The following C10orf62 variants were observed in gnomAD, a reference collection of about 807,000 sequenced individuals.
The protein encoded by C10orf62 is uncharacterized protein C10orf62.
For synonymous variants in C10orf62, 94 were observed against 109.7 expected (o/e 0.86, Z 0.89); for missense variants, 279 against 281.9 (o/e 0.99, Z 0.07).
Position 97,589,926 on chromosome 10 carries a change from G to T in C10orf62, c.29G>T (p.Arg10Ile), listed in dbSNP as rs149631769. Residue 10 changes from arginine (R) to isoleucine (I), a missense_variant, in exon 1 of 1, where the codon AGA (arginine) becomes ATA (isoleucine). Arg to Ile is a moderately conservative substitution (Grantham distance 97). Coordinates refer to ENST00000370640, the MANE Select transcript of C10orf62 (RefSeq NM_001009997.3). ...CTGTGGGTTCAGAGAAAGAGGAGAA[G>T]AAAGGAAACCTCTGAGTGTCCATCA... MLWVQRKRRRKETSECPSDK... is the reference protein window; with the variant it reads MLWVQRKRRIKETSECPSDK... 7.6e-5 allele frequency: 122 copies of T among 1,613,692 alleles called. 1 individual carries two copies. In the African/African-American group the frequency reaches 1.5e-3, roughly 20 times the overall value.
At position 97,590,785 on chromosome 10, in the gene C10orf62, G is replaced by A; in HGVS notation, c.*216G>A. ...GGGTCTGCCACAGAAGATGGCCCCT[G>A]TTGGAGGGAGAGCTGGGAGGACACA... On this transcript the variant is annotated 3_prime_UTR_variant, in exon 1 of 1. Transcript: ENST00000370640. 1 of 613,074 alleles carries A rather than the reference G, an allele frequency of 1.6e-6. No individual in the cohort carries two copies. The highest frequency in any genetic ancestry group is 3.0e-6 in the Non-Finnish European group (1 of 338,890). 38.0% of individuals were successfully genotyped at this position (613,074 alleles called of 1,614,324 possible).
In C10orf62 at chr10:97,590,484, C is replaced by T; in HGVS notation, c.587C>T (p.Thr196Ile). ...RENTIAGANHTHTFYGHSHHS... is the reference protein window; with the variant it reads ...RENTIAGANHIHTFYGHSHHS... ...AACACCATAGCTGGTGCCAATCACA[C>T]ACACACCTTCTATGGCCACAGTCAC... The change falls in exon 1 of 1, where the codon ACA (threonine) becomes ATA (isoleucine). Residue 196 changes from threonine to isoleucine, a missense_variant. Coordinates refer to ENST00000370640, the MANE Select transcript of C10orf62 (RefSeq NM_001009997.3). 6.2e-7 allele frequency: 1 copy of T among 1,613,462 alleles called. No individual in the cohort carries two copies. The highest frequency in any genetic ancestry group is 8.5e-7 in the Non-Finnish European group (1 of 1,180,016).
chr10:97,590,162 C>G lies in C10orf62; in HGVS notation c.265C>G (p.Leu89Val). Residue 89 changes from leucine (L) to valine (V), a missense_variant, in exon 1 of 1, where the codon CTG (leucine) becomes GTG (valine). Leu to Val is a conservative substitution (Grantham distance 32). Coordinates refer to ENST00000370640, the MANE Select transcript of C10orf62 (RefSeq NM_001009997.3). ...GAGGCACGGAGAAGTGGGCTCCGCT[C>G]TGCACCGGGAATCCTTCACCAGCAG... is the stretch of plus-strand genomic sequence containing the variant. ...TTRHGEVGSA[L>V]HRESFTSRQK... 1 of 1,614,120 alleles carries G rather than the reference C, an allele frequency of 6.2e-7. No individual in the cohort carries two copies. The highest frequency in any genetic ancestry group is 8.5e-7 in the Non-Finnish European group (1 of 1,180,014).
rs1301561302 is a variant in C10orf62 at position 97,589,879 on chromosome 10, G to GCTTC, written c.-17_-16insTCCT. The GCTTC allele has an allele frequency of 1.2e-6, 2 of 1,600,616 alleles. No homozygotes were observed. The highest frequency in any genetic ancestry group is 1.7e-6 in the Non-Finnish European group (2 of 1,170,538). ...AGGTGGTGCTGGGGACTGCCCTCTT[G>GCTTC]CTAGGAGGTGGAGGTCTCATGCTGT... On this transcript the variant is annotated 5_prime_UTR_variant, in exon 1 of 1. An upstream open reading frame in the 5' UTR gains an earlier in-frame stop. Coordinates refer to ENST00000370640, the MANE Select transcript of C10orf62 (RefSeq NM_001009997.3).
chr10:97,590,649 G>T lies in C10orf62; in HGVS notation c.*80G>T, dbSNP rs2041014491. 1 of 1,414,860 alleles carries T rather than the reference G, an allele frequency of 7.1e-7. No individual in the cohort carries two copies. Among genetic ancestry groups the T allele is most frequent in the Admixed American group, 1.8e-5 (1 of 54,964 alleles). The allele number at this position is 1,414,860 out of a possible 1,614,324, so 87.6% of individuals were successfully genotyped here. ...GCAAGGCTGGCTCACACACACGTCT[G>T]TTTTCTCTCCTATGGGGCCATCTAT... On this transcript the variant is annotated 3_prime_UTR_variant, in exon 1 of 1. Transcript: ENST00000370640.
Position 97,589,740 on chromosome 10 carries a change from G to T in C10orf62, c.-158G>T, listed in dbSNP as rs970456531. 2.3e-5 allele frequency: 15 copies of T among 660,446 alleles called. No homozygotes were observed. In the Admixed American group the frequency reaches 3.4e-4, roughly 15 times the overall value. 40.9% of individuals were successfully genotyped at this position (660,446 alleles called of 1,614,324 possible). A position where few individuals can be genotyped will look rare whatever the true frequency, so the allele number is the denominator to read the frequency against. The stretch of plus-strand genomic sequence containing the variant: ...CCTGTCAGACATCCTTGGGGAGCCT[G>T]CCCTTTCAAGCATGAATCATACCAC... On this transcript the variant is annotated 5_prime_UTR_variant, in exon 1 of 1. Transcript: ENST00000370640.
Position 97,590,839 on chromosome 10 carries a change from T to C in C10orf62, c.*270T>C. 3.7e-6 allele frequency: 2 copies of C among 533,344 alleles called. No individual in the cohort carries two copies. The highest frequency in any genetic ancestry group is 6.9e-6 in the Non-Finnish European group (2 of 290,888). 33.0% of individuals were successfully genotyped at this position (533,344 alleles called of 1,614,324 possible). A position where few individuals can be genotyped will look rare whatever the true frequency, so the allele number is the denominator to read the frequency against. On this transcript the variant is annotated 3_prime_UTR_variant, in exon 1 of 1. Transcript: ENST00000370640. ...CAGGTGAGATAGACCCTGAGGCCCCTGAAGACCCACCAAGAGAAGACAGAT... is the reference window on the plus strand; with the variant it reads ...CAGGTGAGATAGACCCTGAGGCCCCCGAAGACCCACCAAGAGAAGACAGAT...
In C10orf62 at chr10:97,589,935, CCT is replaced by C. The variant is rs1188853621; in HGVS notation, c.41_42del (p.Ser14Ter). The C allele has an allele frequency of 8.7e-6, 14 of 1,613,826 alleles. No individual in the cohort carries two copies. The highest frequency in any genetic ancestry group is 1.2e-5 in the Non-Finnish European group (14 of 1,179,878). ...CAGAGAAAGAGGAGAAGAAAGGAAA[CCT>C]CTGAGTGTCCATCAGACAAGGACAA... On this transcript the variant is annotated frameshift_variant, in exon 1 of 1. Coordinates refer to ENST00000370640, the MANE Select transcript of C10orf62 (RefSeq NM_001009997.3). LOFTEE classifies it low-confidence loss of function (END_TRUNC).
Position 97,590,176 on chromosome 10 carries a change from C to T in C10orf62, c.279C>T (p.Ser93=). ...GEVGSALHRE[S]FTSRQKTSGP... ...TGGGCTCCGCTCTGCACCGGGAATC[C>T]TTCACCAGCAGGCAGAAGACATCTG... The change falls in exon 1 of 1, where the codon TCC becomes TCT. Residue 93 remains serine (S), a synonymous_variant. Coordinates refer to ENST00000370640, the MANE Select transcript of C10orf62 (RefSeq NM_001009997.3). 2 of 1,614,064 alleles carry T rather than the reference C, an allele frequency of 1.2e-6. No individual in the cohort carries two copies. Among genetic ancestry groups the T allele is most frequent in the Non-Finnish European group, 8.5e-7 (1 of 1,180,026 alleles).
Position 97,590,727 on chromosome 10 carries a change from CG to C in C10orf62, c.*162del. 1.4e-6 allele frequency: 1 copy of C among 690,572 alleles called. No homozygotes were observed. The highest frequency in any genetic ancestry group is 2.5e-6 in the Non-Finnish European group (1 of 404,974). The allele number at this position is 690,572 out of a possible 1,614,324, so 42.8% of individuals were successfully genotyped here. A position where few individuals can be genotyped will look rare whatever the true frequency, so the allele number is the denominator to read the frequency against. ...AATCCCTACTTTCTTAGGCTCCTCACGGGGATTATGGGCTCTTTAAACTCCA... is the reference window on the plus strand; with the variant it reads ...AATCCCTACTTTCTTAGGCTCCTCACGGGATTATGGGCTCTTTAAACTCCA... On this transcript the variant is annotated 3_prime_UTR_variant, in exon 1 of 1. Transcript: ENST00000370640.
At position 97,590,684 on chromosome 10, in the gene C10orf62, G is replaced by A; in HGVS notation, c.*115G>A. 1 of 1,000,850 alleles carries A rather than the reference G, an allele frequency of 1.0e-6. No individual in the cohort carries two copies. Among genetic ancestry groups the A allele is most frequent in the Non-Finnish European group, 1.5e-6 (1 of 671,028 alleles). The allele number at this position is 1,000,850 out of a possible 1,614,324, so 62.0% of individuals were successfully genotyped here. A position where few individuals can be genotyped will look rare whatever the true frequency, so the allele number is the denominator to read the frequency against. ...CTATGGGGCCATCTATGCAGGCCAG[G>A]GTGAGATGCTGTGCCCAAATCCCTA... On this transcript the variant is annotated 3_prime_UTR_variant, in exon 1 of 1. Transcript: ENST00000370640.
rs770821820 is a variant in C10orf62, at chr10:97,590,159, G to A, written c.262G>A (p.Ala88Thr). 6.8e-6 allele frequency: 11 copies of A among 1,614,056 alleles called. No individual in the cohort carries two copies. In the South Asian group the frequency reaches 7.7e-5, roughly 11 times the overall value. ...CACGAGGCACGGAGAAGTGGGCTCC[G>A]CTCTGCACCGGGAATCCTTCACCAG... is the stretch of plus-strand genomic sequence containing the variant. ...FTTRHGEVGSALHRESFTSRQ... is the reference protein window; with the variant it reads ...FTTRHGEVGSTLHRESFTSRQ... The change falls in exon 1 of 1, where the codon GCT becomes ACT. Residue 88 changes from alanine to threonine, a missense_variant. Transcript: ENST00000370640.
Position 97,589,870 on chromosome 10 carries a change from T to A in C10orf62, c.-28T>A. On this transcript the variant is annotated 5_prime_UTR_variant, in exon 1 of 1. Transcript: ENST00000370640. ...CATCATGCAAGGTGGTGCTGGGGAC[T>A]GCCCTCTTGCTAGGAGGTGGAGGTC... 6.3e-7 allele frequency: 1 copy of A among 1,577,148 alleles called. No individual in the cohort carries two copies. The highest frequency in any genetic ancestry group is 1.1e-5 in the South Asian group (1 of 88,520).
rs7093840 is a variant in C10orf62, at chr10:97,590,260, G to C, written c.363G>C (p.Glu121Asp). Reference protein sequence around the residue: ...QESGKAPSTDEATWAAVAACT... With the variant: ...QESGKAPSTDDATWAAVAACT... ...CTGGAAAAGCCCCATCCACTGATGA[G>C]GCCACGTGGGCCGCTGTGGCTGCCT... Residue 121 changes from glutamate (E) to aspartate (D), a missense_variant, in exon 1 of 1, where the codon GAG becomes GAC. Glu to Asp is a conservative substitution (Grantham distance 45, BLOSUM62 2). Coordinates refer to ENST00000370640, the MANE Select transcript of C10orf62 (RefSeq NM_001009997.3). The C allele has an allele frequency of 0.31, 495,640 of 1,613,430 alleles. 77,492 individuals are homozygous for C. The highest frequency in any genetic ancestry group is 0.32 in the African/African-American group (24,201 of 74,922).
chr10:97,589,755 A>G lies in C10orf62; in HGVS notation c.-143A>G. 1 of 695,022 alleles carries G rather than the reference A, an allele frequency of 1.4e-6. No individual in the cohort carries two copies. Among genetic ancestry groups the G allele is most frequent in the East Asian group, 2.5e-5 (1 of 40,202 alleles). The allele number at this position is 695,022 out of a possible 1,614,324, so 43.1% of individuals were successfully genotyped here. A position where few individuals can be genotyped will look rare whatever the true frequency, so the allele number is the denominator to read the frequency against. ...TGGGGAGCCTGCCCTTTCAAGCATGAATCATACCACCAGAGATCACCCAGC... is the reference window on the plus strand; with the variant it reads ...TGGGGAGCCTGCCCTTTCAAGCATGGATCATACCACCAGAGATCACCCAGC... On this transcript the variant is annotated 5_prime_UTR_variant, in exon 1 of 1. Coordinates refer to ENST00000370640, the MANE Select transcript of C10orf62 (RefSeq NM_001009997.3).
chr10:97,590,192 A>G lies in C10orf62; in HGVS notation c.295A>G (p.Lys99Glu), dbSNP rs762455396. Residue 99 changes from lysine (K) to glutamate (E), a missense_variant, in exon 1 of 1, where the codon AAG (lysine) becomes GAG (glutamate). Physicochemically the swap from Lys to Glu is moderately conservative, Grantham distance 56. Transcript: ENST00000370640. ...LHRESFTSRQ[K>E]TSGPSVIQEI... ...CCGGGAATCCTTCACCAGCAGGCAG[A>G]AGACATCTGGGCCCTCAGTGATCCA... is the stretch of plus-strand genomic sequence containing the variant. 2 of 1,614,040 alleles carry G rather than the reference A, an allele frequency of 1.2e-6. No individual in the cohort carries two copies. Among genetic ancestry groups the G allele is most frequent in the Non-Finnish European group, 1.7e-6 (2 of 1,180,030 alleles).
At position 97,590,844 on chromosome 10, in the gene C10orf62, AC is replaced by A. The variant is rs2041016372; in HGVS notation, c.*278del. Reference sequence around the variant, plus strand: ...GAGATAGACCCTGAGGCCCCTGAAGACCCACCAAGAGAAGACAGATGGGAGC... The same window carrying A: ...GAGATAGACCCTGAGGCCCCTGAAGACCACCAAGAGAAGACAGATGGGAGC... On this transcript the variant is annotated 3_prime_UTR_variant, in exon 1 of 1. Coordinates refer to ENST00000370640, the MANE Select transcript of C10orf62 (RefSeq NM_001009997.3). 9 of 525,736 alleles carry A rather than the reference AC, an allele frequency of 1.7e-5. No homozygotes were observed. Among genetic ancestry groups the A allele is most frequent in the Admixed American group, 1.0e-4 (3 of 29,208 alleles). 32.6% of individuals were successfully genotyped at this position (525,736 alleles called of 1,614,324 possible). A position where few individuals can be genotyped will look rare whatever the true frequency, so the allele number is the denominator to read the frequency against.
Position 97,589,844 on chromosome 10 carries a change from C to A in C10orf62, c.-54C>A, listed in dbSNP as rs2041003655. On this transcript the variant is annotated 5_prime_UTR_variant, in exon 1 of 1. Coordinates refer to ENST00000370640, the MANE Select transcript of C10orf62 (RefSeq NM_001009997.3). ...GACCTTCTTGGAGCTCATCCAGCAG[C>A]CATCATGCAAGGTGGTGCTGGGGAC... The A allele has an allele frequency of 5.7e-6, 8 of 1,407,104 alleles. No individual in the cohort carries two copies. The East Asian group carries it at 9.1e-5, about 16-fold the overall frequency. 87.2% of individuals were successfully genotyped at this position (1,407,104 alleles called of 1,614,324 possible). A position where few individuals can be genotyped will look rare whatever the true frequency, so the allele number is the denominator to read the frequency against.
chr10:97,589,893 G>T lies in C10orf62; in HGVS notation c.-5G>T. On this transcript the variant is annotated 5_prime_UTR_variant, in exon 1 of 1. Coordinates refer to ENST00000370640, the MANE Select transcript of C10orf62 (RefSeq NM_001009997.3). ...ACTGCCCTCTTGCTAGGAGGTGGAG[G>T]TCTCATGCTGTGGGTTCAGAGAAAG... The T allele has an allele frequency of 6.2e-7, 1 of 1,609,728 alleles. No individual in the cohort carries two copies. Among genetic ancestry groups the T allele is most frequent in the Non-Finnish European group, 8.5e-7 (1 of 1,176,824 alleles).
Sources: allele counts gnomAD v4.1 joint callset, GRCh38; gene constraint gnomAD v4.1.1; transcripts MANE v1.5; gene names NCBI Gene and HGNC (gene_info 2026-07-23, HGNC 2026-07-21).